DIDO1: variants seen among roughly 807,000 people sequenced by gnomAD.
DIDO1 encodes the protein death-inducer obliterator 1.
DIDO1 carries 16 observed loss-of-function variants against 99.4 expected under a neutral mutation model. The ratio of observed to expected loss-of-function variants is 0.16; its 90% CI spans 0.11 to 0.24. The LOEUF (loss-of-function observed/expected upper bound fraction) is 0.24, where lower values mean the gene tolerates loss of function less well. DIDO1 is among the 10% of genes least tolerant of loss of function. The pLI, the probability that DIDO1 is intolerant of heterozygous loss-of-function variation, is 1.00. For synonymous variants in DIDO1, 1,366 were observed against 1,239.1 expected (o/e 1.10, Z -2.15); for missense variants, 2,996 against 3,014.0 (o/e 0.99, Z 0.14).
intron 15 of DIDO1, chr20:62,888,114 C>A (rs1366071780): frequency 9.1e-6 from 9 of 985,394 alleles, no homozygotes; most frequent in Non-Finnish European, 1.1e-5. Context: ...CCCCTGAGGG[C>A]ACAGCTGGGC....
At position 62,911,981 on chromosome 20, in the gene DIDO1, C is replaced by T. The variant is rs900050206; in HGVS notation, c.-2-367G>A. On this transcript the variant is annotated intron_variant, in intron 2 of 15. Coordinates refer to ENST00000395343, the MANE Select transcript of DIDO1 (RefSeq NM_001193369.2). The surrounding 1 kb of genome is among the most constrained non-coding windows in gnomAD (Gnocchi z 7.0). ...GTAAGGACGTGAGCAAGGACGCGAG[C>T]AGCTCGGAGGTGGCACGAGCTCCCC... Among the ~76,000 whole-genome samples, 1 of 152,210 alleles carries T rather than the reference C, an allele frequency of 6.6e-6. No homozygotes were observed. Among genetic ancestry groups the T allele is most frequent in the Non-Finnish European group, 1.5e-5 (1 of 68,036 alleles).
chr20:62,926,769 C>T (rs2065264389), upstream of DIDO1, among the ~76,000 whole-genome samples: 1 of 152,256 alleles, frequency 6.6e-6, no homozygotes, highest in Admixed American at 6.5e-5. Flanking sequence ...CTCGGAACAG[C>T]CCGGGCAGGG....
upstream of DIDO1, among the ~76,000 whole-genome samples, chr20:62,926,866 G>A (rs1009496904): frequency 2.0e-5 from 3 of 152,228 alleles, no homozygotes; most frequent in Non-Finnish European, 2.9e-5. Flanking sequence ...CAAGTCGGTG[G>A]GGATAGAAAG....
At chr20:62,937,881 G>C in exon 1 of DIDO1, 3 of 398,496 alleles carry the variant, frequency 7.5e-6, no homozygotes, top group East Asian at 3.6e-5. Context: ...TCTTGCCAGA[G>C]GGCCGACGCC....
At chr20:62,936,200 C>CT (rs2065381384) in intron 1 of DIDO1, among the ~76,000 whole-genome samples, 1 of 152,158 alleles carries the variant, frequency 6.6e-6, no homozygotes, top group African/African-American at 2.4e-5. Flanking sequence ...ATGGCTTGAG[C>CT]CCAGGAGATC....
At position 62,921,885 on chromosome 20, in the gene DIDO1, T is replaced by C. The variant is rs1345924094; in HGVS notation, c.-200+4554A>G. On this transcript the variant is annotated intron_variant, in intron 1 of 15. Coordinates refer to ENST00000395343, the MANE Select transcript of DIDO1 (RefSeq NM_001193369.2). ...GCTATATATATATCCACAATATATA[T>C]ACACACTATATATATATCCACAATA... 6.6e-5 allele frequency among the ~76,000 whole-genome samples: 10 copies of C among 150,648 alleles called. No individual in the cohort carries two copies. The South Asian group carries it at 1.7e-3, about 25-fold the overall frequency.
chr20:62,891,944 C>A (rs2064407771), intron 14 of DIDO1, 43 bp downstream of exon 14: 2 of 1,546,302 alleles, frequency 1.3e-6, no homozygotes, highest in Admixed American at 3.8e-5. Flanking sequence ...TTTAAATCAA[C>A]ACAATTTTCC....
intron 15 of DIDO1, among the ~76,000 whole-genome samples, chr20:62,884,394 G>A (rs942187081): frequency 2.0e-5 from 3 of 152,142 alleles, no homozygotes; most frequent in Non-Finnish European, 2.9e-5. Flanking sequence ...ACGTTTCAGC[G>A]GCAGCGACGT....
At chr20:62,926,340 C>A (rs1038400301) in intron 1 of DIDO1, 99 bp downstream of exon 1, 5 of 151,972 alleles carry the variant, frequency 3.3e-5, no homozygotes, top group African/African-American at 7.2e-5. Flanking sequence ...GCGGCTCTCG[C>A]CAGCCGGGCT....
rs201291948 is a variant in DIDO1, at chr20:62,911,036, G to T, written c.577C>A (p.Arg193=). 9 of 1,613,390 alleles carry T rather than the reference G, an allele frequency of 5.6e-6. No homozygotes were observed. In the South Asian group the frequency reaches 9.9e-5, roughly 18 times the overall value. The part of the protein sequence containing the change: ...GIQSRLRKKR[R]EEGPAETVGS... The stretch of plus-strand genomic sequence containing the variant: ...ACAGTCTCGGCGGGACCCTCCTCCC[G>T]GCGCTTCTTCCGCAGGCGACTCTGG... Residue 193 remains arginine (R), a synonymous_variant, in exon 3 of 16, where the codon CGG becomes AGG. Coordinates refer to ENST00000395343, the MANE Select transcript of DIDO1 (RefSeq NM_001193369.2). This position sits in a 1 kb window ranked among gnomAD's most constrained non-coding sequence, Gnocchi z 7.0.
Position 62,893,719 on chromosome 20 carries a change from T to C in DIDO1, c.3048A>G (p.Pro1016=), listed in dbSNP as rs1157699460. ...GGTATCTTGGGTCAGGAGATGAGGA[T>C]GGCTTAGCTAGTATGGACTTGGGCA... is the stretch of plus-strand genomic sequence containing the variant. ...VMVPKSILAK[P]SSSPDPRYLS... is the part of the protein sequence containing the mutation. Residue 1016 remains proline, a synonymous_variant, in exon 12 of 16, where the codon CCA becomes CCG. Transcript: ENST00000395343. The C allele has an allele frequency of 1.2e-6, 2 of 1,613,130 alleles. No individual in the cohort carries two copies. The highest frequency in any genetic ancestry group is 2.7e-5 in the African/African-American group (2 of 74,924).
chr20:62,895,284 C>T, intron 8 of DIDO1, 119 bp from the exon 9 acceptor site: 1 of 892,420 alleles, frequency 1.1e-6, no homozygotes, highest in South Asian at 1.6e-5. Context: ...GCCCTCAGGG[C>T]CCACTTGCGT....
At chr20:62,924,496 C>T (rs559053087) in intron 1 of DIDO1, among the ~76,000 whole-genome samples, 1 of 152,202 alleles carries the variant, frequency 6.6e-6, no homozygotes, top group Non-Finnish European at 1.5e-5. Context: ...GAGAAGCACC[C>T]TACTGGGCTC....
chr20:62,911,484 C>T lies in DIDO1; in HGVS notation c.129G>A (p.Ala43=), dbSNP rs747333901. The change falls in exon 3 of 16, where the codon GCG becomes GCA. Residue 43 remains alanine, a synonymous_variant. Transcript: ENST00000395343. The surrounding 1 kb of genome is among the most constrained non-coding windows in gnomAD (Gnocchi z 7.0). ...TIAKREGAGD[A]EADPLEPPPP... The stretch of plus-strand genomic sequence containing the variant: ...GTGGCGGCTCCAGTGGGTCAGCCTC[C>T]GCGTCCCCTGCGCCCTCTCGCTTGG... 29 of 1,612,400 alleles carry T rather than the reference C, an allele frequency of 1.8e-5. No homozygotes were observed. The highest frequency in any genetic ancestry group is 4.0e-5 in the African/African-American group (3 of 74,936).
intron 15 of DIDO1, among the ~76,000 whole-genome samples, chr20:62,882,635 G>A (rs927998625): frequency 6.6e-6 from 1 of 152,188 alleles, no homozygotes; most frequent in Admixed American, 6.5e-5. Flanking sequence ...ACCGTGCCAG[G>A]AATGCACCAA....
intron 1 of DIDO1, among the ~76,000 whole-genome samples, chr20:62,935,622 A>T (rs1485247000): frequency 6.6e-6 from 1 of 152,176 alleles, no homozygotes; most frequent in African/African-American, 2.4e-5. Context: ...AGCGATAACA[A>T]AGCTTGTTGA....
intron 15 of DIDO1, chr20:62,888,631 G>A (rs2064338850): frequency 1.0e-6 from 1 of 985,592 alleles, no homozygotes; most frequent in Non-Finnish European, 1.2e-6. Flanking sequence ...TGAGACAGGG[G>A]AAACATGCCA....
At chr20:62,912,947 G>C (rs1407862572) in intron 2 of DIDO1, among the ~76,000 whole-genome samples, 1 of 152,220 alleles carries the variant, frequency 6.6e-6, no homozygotes, top group African/African-American at 2.4e-5. Context: ...CAGGAGAATT[G>C]CTTGAATCCA....
chr20:62,894,505 G>T lies in DIDO1; in HGVS notation c.2480C>A (p.Ala827Glu), dbSNP rs533029215. 4 of 1,613,092 alleles carry T rather than the reference G, an allele frequency of 2.5e-6. No homozygotes were observed. Among genetic ancestry groups the T allele is most frequent in the Non-Finnish European group, 3.4e-6 (4 of 1,180,002 alleles). The change falls in exon 11 of 16, where the codon GCG becomes GAG. Residue 827 changes from alanine to glutamate, a missense_variant. Coordinates refer to ENST00000395343, the MANE Select transcript of DIDO1 (RefSeq NM_001193369.2). The surrounding 1 kb of genome is among the most constrained non-coding windows in gnomAD (Gnocchi z 4.4). Reference protein sequence around the residue: ...SARAVPEKSTAPLLDVFSSML... With the variant: ...SARAVPEKSTEPLLDVFSSML... ...GCTGCTGAAGACGTCGAGAAGCGGC[G>T]CTGTGCTCTTCTCAGGGACAGCACG...
Sources: gnomAD v4.1 joint callset for allele counts (sites outside exome capture counted in the v4.1 genomes callset) on GRCh38, gnomAD v4.1.1 for gene constraint, Gnocchi (gnomAD v3.1) non-coding constraint, MANE v1.5 for transcripts, NCBI Gene and HGNC (gene_info 2026-07-23, HGNC 2026-07-21) for gene names.